The following FRMPD4 variants were observed in gnomAD, a reference collection of about 807,000 sequenced individuals.
FRMPD4 encodes the protein FERM and PDZ domain containing 4.
In FRMPD4, 22 loss-of-function variants were observed where a neutral mutation model predicts 94.1. That is an observed-to-expected ratio of 0.23 (90% CI 0.17 to 0.33). The LOEUF (loss-of-function observed/expected upper bound fraction) is 0.33. Among genes scored for constraint, FRMPD4 ranks in the 10% least tolerant of loss-of-function variants. The probability of loss-of-function intolerance (pLI) is 1.00; values close to 1 mark genes in which losing one functional copy is unlikely to be tolerated. For synonymous variants in FRMPD4, 631 were observed against 548.6 expected, an observed-to-expected ratio of 1.15 and a Z score of -2.10; for missense variants, 1,111 against 1,339.9, an observed-to-expected ratio of 0.83 and a Z score of 2.67.
intron 1 of FRMPD4, among the ~76,000 whole-genome samples, chrX:12,177,788 T>A (rs1314784778): frequency 8.9e-6 from 1 of 112,089 alleles, no homozygotes; most frequent in Non-Finnish European, 1.9e-5. Context: ...CTGGCCCTTG[T>A]AGCACTTATA....
intron 1 of FRMPD4, among the ~76,000 whole-genome samples, chrX:12,356,210 A>C (rs1264134416): frequency 8.9e-6 from 1 of 111,950 alleles, no homozygotes; most frequent in Non-Finnish European, 1.9e-5. Context: ...TCTCCTACAA[A>C]AGCCAGCTTT....
chrX:12,220,521 G>C (rs901150746), intron 1 of FRMPD4, among the ~76,000 whole-genome samples: 3 of 111,807 alleles, frequency 2.7e-5, no homozygotes, highest in Non-Finnish European at 5.6e-5. Flanking sequence ...TACCAAGCAG[G>C]ATTGATTTAA....
chrX:11,887,898 A>G (rs1344214890), intron 3 of FRMPD4, among the ~76,000 whole-genome samples: 1 of 112,344 alleles, frequency 8.9e-6, no homozygotes, highest in Non-Finnish European at 1.9e-5. Flanking sequence ...AAATGATAAC[A>G]TAGATAAATG....
At chrX:12,373,585 A>T (rs1601870664) in intron 1 of FRMPD4, among the ~76,000 whole-genome samples, 1 of 112,232 alleles carries the variant, frequency 8.9e-6, no homozygotes, top group South Asian at 3.7e-4. Context: ...AAGCCCACTC[A>T]CTGCTAGAAG....
At chrX:12,281,450 C>T (rs2054524791) in intron 1 of FRMPD4, among the ~76,000 whole-genome samples, 1 of 109,826 alleles carries the variant, frequency 9.1e-6, no homozygotes, top group African/African-American at 3.3e-5. Flanking sequence ...TCTCTGTTCA[C>T]TGCAACCTCC....
intron 1 of FRMPD4, among the ~76,000 whole-genome samples, chrX:12,362,760 C>A (rs373399601): frequency 9.9e-5 from 11 of 111,489 alleles, no homozygotes; most frequent in Non-Finnish European, 1.9e-4. Flanking sequence ...TTCTAGTTCT[C>A]GATCCTTGAC....
Position 12,411,954 on chromosome X carries a change from G to T in FRMPD4, c.42-86726G>T, listed in dbSNP as rs917886307. ...TTTACTTGGGCAAGTTTGTCCCCTAGGAAAAAACCTGGAAGAAGGAGAGAA... is the reference window on the plus strand; with the variant it reads ...TTTACTTGGGCAAGTTTGTCCCCTATGAAAAAACCTGGAAGAAGGAGAGAA... On this transcript the variant is annotated intron_variant, in intron 1 of 16. Transcript: ENST00000675598. Among the ~76,000 whole-genome samples the T allele has an allele frequency of 3.6e-5, 4 of 111,636 alleles. No individual in the cohort carries two copies. The Admixed American group carries it at 3.8e-4, about 11-fold the overall frequency.
At chrX:12,037,746 A>C (rs1028466811) in intron 3 of FRMPD4, among the ~76,000 whole-genome samples, 1 of 110,635 alleles carries the variant, frequency 9.0e-6, no homozygotes, top group Non-Finnish European at 1.9e-5. Context: ...CTCCACCCTC[A>C]GGTAGGCCCC....
intron 1 of FRMPD4, among the ~76,000 whole-genome samples, chrX:12,225,310 A>G (rs755511790): frequency 7.1e-5 from 8 of 112,215 alleles, no homozygotes; most frequent in Non-Finnish European, 1.5e-4. Flanking sequence ...GTATAAGTGA[A>G]CACTAATGTC....
chrX:12,574,986 C>T (rs189701169), intron 2 of FRMPD4, among the ~76,000 whole-genome samples: 4 of 111,835 alleles, frequency 3.6e-5, no homozygotes, highest in East Asian at 5.6e-4. Context: ...CCCTTCCTGA[C>T]AGCTTTTGTA....
intron 2 of FRMPD4, among the ~76,000 whole-genome samples, chrX:12,502,693 T>C (rs1163754997): frequency 2.7e-5 from 3 of 112,144 alleles, no homozygotes; most frequent in Non-Finnish European, 5.6e-5. Flanking sequence ...ATATAGATGA[T>C]AGAGAATATA....
chrX:11,848,105 G>A (rs1017752773), intron 1 of FRMPD4, among the ~76,000 whole-genome samples: 6 of 109,175 alleles, frequency 5.5e-5, no homozygotes, highest in East Asian at 2.8e-4. Flanking sequence ...GAACAAATAC[G>A]TCCTTTGTTT....
chrX:12,661,837 A>AACC (rs2059717280), intron 4 of FRMPD4, among the ~76,000 whole-genome samples: 1 of 112,029 alleles, frequency 8.9e-6, no homozygotes, highest in Non-Finnish European at 1.9e-5. Context: ...TAAAGCAATA[A>AACC]ACCCCCATTT....
chrX:12,216,101 A>T (rs1038859217), intron 1 of FRMPD4, among the ~76,000 whole-genome samples: 1 of 112,023 alleles, frequency 8.9e-6, no homozygotes, highest in African/African-American at 3.2e-5. Flanking sequence ...TGTGTATTCA[A>T]TTACCCCAAA....
At chrX:12,370,021 G>A (rs1186835266) in intron 1 of FRMPD4, among the ~76,000 whole-genome samples, 2 of 111,606 alleles carry the variant, frequency 1.8e-5, no homozygotes, top group African/African-American at 6.5e-5. Flanking sequence ...CTGAACTTTT[G>A]CATGTGAGCT....
chrX:11,980,876 T>C (rs1159448237), intron 3 of FRMPD4, among the ~76,000 whole-genome samples: 1 of 112,012 alleles, frequency 8.9e-6, no homozygotes, highest in Non-Finnish European at 1.9e-5. Context: ...TTTCTGGTTA[T>C]CCTTGTTACT....
chrX:11,842,906 A>G (rs1190884253), intron 1 of FRMPD4, among the ~76,000 whole-genome samples: 1 of 109,984 alleles, frequency 9.1e-6, no homozygotes, highest in Non-Finnish European at 1.9e-5. Flanking sequence ...AGCTCTTATT[A>G]TTTTGAGATA....
At chrX:12,483,191 G>T (rs962103496) in intron 1 of FRMPD4, among the ~76,000 whole-genome samples, 8 of 112,057 alleles carry the variant, frequency 7.1e-5, no homozygotes, top group African/African-American at 2.6e-4. Flanking sequence ...TTCAGTTTTG[G>T]ATGTGTTGAA....
At chrX:12,284,648 C>A (rs2054573890) in intron 1 of FRMPD4, among the ~76,000 whole-genome samples, 1 of 111,884 alleles carries the variant, frequency 8.9e-6, no homozygotes, top group South Asian at 3.7e-4. Flanking sequence ...CGTCTCCCAT[C>A]TTCCCATTTC....
Sources: gnomAD v4.1 joint callset for allele counts (sites outside exome capture counted in the v4.1 genomes callset) on GRCh38, gnomAD v4.1.1 for gene constraint, MANE v1.5 for transcripts, NCBI Gene and HGNC (gene_info 2026-07-23, HGNC 2026-07-21) for gene names.